FAM151B: variants seen among roughly 807,000 people sequenced by gnomAD.
FAM151B encodes the protein family with sequence similarity 151 member B.
FAM151B carries 24 observed loss-of-function variants against 31.2 expected under a neutral mutation model. The observed-to-expected ratio is 0.77, with a 90% CI of 0.56 to 1.08. The LOEUF is 1.08. FAM151B is among the 50% of genes least tolerant of loss of function. The pLI is 0.00. For missense variants in FAM151B, 293 were observed against 328.6 expected, an observed-to-expected ratio of 0.89 and a Z score of 0.84; for synonymous variants, 105 against 111.4, an observed-to-expected ratio of 0.94 and a Z score of 0.36.
chr5:80,501,040 G>C lies in FAM151B; in HGVS notation c.26-752G>C, dbSNP rs190652565. On this transcript the variant is annotated intron_variant, in intron 1 of 5. Transcript: ENST00000282226. ...TATTTTATTTTATTTTTGAGACAGA[G>C]TCTCACTCTGTCACCCAGGCTGGAG... 2.7e-3 allele frequency: 1,322 copies of C among 482,494 alleles called. 15 individuals carry two copies. Among genetic ancestry groups the C allele is most frequent in the African/African-American group, 0.024 (1,230 of 51,070 alleles). The allele number at this position is 482,494 out of a possible 1,614,324, so 29.9% of individuals were successfully genotyped here.
At chr5:80,501,757 CA>C (rs774367942) in intron 1 of FAM151B, 34 bp from the exon 2 acceptor site, 1 of 1,522,152 alleles carries the variant, frequency 6.6e-7, no homozygotes, top group Non-Finnish European at 8.9e-7. Context: ...CTATAAAAAA[CA>C]ATATCACTTT....
At chr5:80,502,880 G>A (rs1743801284) in intron 2 of FAM151B, among the ~76,000 whole-genome samples, 1 of 152,202 alleles carries the variant, frequency 6.6e-6, no homozygotes, top group Non-Finnish European at 1.5e-5. Flanking sequence ...GCCTGAAACA[G>A]TGCGTAGCAT....
intron 5 of FAM151B, among the ~76,000 whole-genome samples, chr5:80,536,384 C>T (rs773110952): frequency 6.6e-6 from 1 of 151,988 alleles, no homozygotes; most frequent in Non-Finnish European, 1.5e-5. Context: ...CCATCCTGGC[C>T]AGGCTGGTCT....
intron 5 of FAM151B, among the ~76,000 whole-genome samples, chr5:80,534,659 T>G (rs1745410222): frequency 6.6e-6 from 1 of 152,008 alleles, no homozygotes; most frequent in Non-Finnish European, 1.5e-5. Context: ...TTATGCTGAG[T>G]GGGATAAAAC....
intron 1 of FAM151B, among the ~76,000 whole-genome samples, chr5:80,493,565 G>C (rs914940175): frequency 6.6e-6 from 1 of 152,140 alleles, no homozygotes; most frequent in Admixed American, 6.5e-5. Flanking sequence ...TCTTTTCCTA[G>C]CAAGGAATAA....
intron 5 of FAM151B, 142 bp from the exon 6 acceptor site, chr5:80,541,531 G>T: frequency 2.7e-6 from 2 of 734,134 alleles, no homozygotes; most frequent in Non-Finnish European, 4.6e-6. Context: ...AAATATGAAA[G>T]TACAGTTACA....
At chr5:80,515,816 G>A (rs191620386) in intron 3 of FAM151B, among the ~76,000 whole-genome samples, 111 of 152,216 alleles carry the variant, frequency 7.3e-4, no homozygotes, top group Non-Finnish European at 1.3e-3. Context: ...CTCATTTTCC[G>A]GATGAGGCAA....
At chr5:80,512,214 CTA>C (rs1272572483) in intron 2 of FAM151B, among the ~76,000 whole-genome samples, 6 of 152,126 alleles carry the variant, frequency 3.9e-5, no homozygotes, top group Admixed American at 2.0e-4. Context: ...CTTTGGGTGA[CTA>C]TGTGTATGAT....
intron 1 of FAM151B, chr5:80,500,250 C>A: frequency 5.3e-6 from 3 of 569,496 alleles, no homozygotes; most frequent in South Asian, 2.2e-5. Context: ...GAGGGGGAAG[C>A]AAAGGAAATG....
Position 80,513,753 on chromosome 5 carries a change from A to C in FAM151B, c.301A>C (p.Lys101Gln). Residue 101 changes from lysine to glutamine, a missense_variant, in exon 3 of 6, where the codon AAG becomes CAG. Coordinates refer to ENST00000282226, the MANE Select transcript of FAM151B (RefSeq NM_205548.3). Reference sequence around the variant, plus strand: ...AGTTATGAAAAGCAATAAAGGCATCAAGCTGGATTTCAAAAGGTATTTGTA... The same window carrying C: ...AGTTATGAAAAGCAATAAAGGCATCCAGCTGGATTTCAAAAGGTATTTGTA... ...TEVMKSNKGI[K>Q]LDFKSLAVVE... 2.5e-6 allele frequency: 4 copies of C among 1,610,614 alleles called. No homozygotes were observed. Among genetic ancestry groups the C allele is most frequent in the Non-Finnish European group, 3.4e-6 (4 of 1,179,118 alleles).
intron 5 of FAM151B, among the ~76,000 whole-genome samples, chr5:80,530,259 A>G (rs1396922057): frequency 6.6e-6 from 1 of 152,152 alleles, no homozygotes; most frequent in Admixed American, 6.6e-5. Context: ...GCTATTTATG[A>G]CAAACCCACA....
At chr5:80,506,539 A>AATAG in intron 2 of FAM151B, among the ~76,000 whole-genome samples, 1 of 152,242 alleles carries the variant, frequency 6.6e-6, no homozygotes, top group Middle Eastern at 3.4e-3. Flanking sequence ...CATCCAGTAG[A>AATAG]TCTATGAGTC....
chr5:80,516,583 G>A (rs73769124), intron 3 of FAM151B, among the ~76,000 whole-genome samples: 2 of 152,102 alleles, frequency 1.3e-5, no homozygotes, highest in Non-Finnish European at 2.9e-5. Flanking sequence ...ATTCTTTTCA[G>A]GAGACTTAAA....
intron 2 of FAM151B, among the ~76,000 whole-genome samples, chr5:80,512,283 G>A (rs1006400381): frequency 7.2e-5 from 11 of 152,170 alleles, no homozygotes; most frequent in Non-Finnish European, 1.6e-4. Flanking sequence ...TGTTCATCAA[G>A]TTATTTCAGA....
intron 5 of FAM151B, among the ~76,000 whole-genome samples, chr5:80,536,866 A>C (rs1745537575): frequency 6.6e-6 from 1 of 152,064 alleles, no homozygotes; most frequent in Non-Finnish European, 1.5e-5. Context: ...GAACCCATAG[A>C]GATAGAGAGG....
intron 5 of FAM151B, among the ~76,000 whole-genome samples, chr5:80,528,900 A>G (rs1745094490): frequency 6.6e-6 from 1 of 152,220 alleles, no homozygotes; most frequent in Admixed American, 6.6e-5. Flanking sequence ...ATAGACATCT[A>G]CAGAACTCTC....
At chr5:80,537,495 T>C (rs1305201682) in intron 5 of FAM151B, among the ~76,000 whole-genome samples, 3 of 152,214 alleles carry the variant, frequency 2.0e-5, no homozygotes, top group African/African-American at 4.8e-5. Flanking sequence ...GCGGAGTCTT[T>C]CCACTGGACT....
chr5:80,511,107 G>T (rs920775372), intron 2 of FAM151B: 1 of 152,060 alleles, frequency 6.6e-6, no homozygotes, highest in Non-Finnish European at 1.5e-5. Context: ...AATCATAGAA[G>T]AAGTTGAGAA....
intron 5 of FAM151B, among the ~76,000 whole-genome samples, chr5:80,538,238 G>A (rs1245766684): frequency 6.6e-6 from 1 of 151,538 alleles, no homozygotes; most frequent in Non-Finnish European, 1.5e-5. Context: ...CAGCTAATTT[G>A]TTGTATTTTT....
Sources: allele counts gnomAD v4.1 joint callset (sites outside exome capture counted in the v4.1 genomes callset), GRCh38; gene constraint gnomAD v4.1.1; transcripts MANE v1.5; gene names NCBI Gene and HGNC (gene_info 2026-07-23, HGNC 2026-07-21).